Variants in RALYL observed in about 807,000 individuals in gnomAD.
RALYL encodes RNA-binding Raly-like protein.
A neutral mutation model predicts 35.1 loss-of-function variants in RALYL; 29 were observed. The observed-to-expected ratio is 0.83, with a 90% confidence interval of 0.61 to 1.13. RALYL has a LOEUF of 1.13. RALYL is among the 50% of genes most tolerant of loss of function. The probability of loss-of-function intolerance (pLI) is 0.00; values close to 1 mark genes in which losing one functional copy is unlikely to be tolerated. For synonymous variants in RALYL, 120 were observed against 127.6 expected (o/e 0.94, Z 0.40); for missense variants, 359 against 360.4 (o/e 1.00, Z 0.03).
At chr8:84,887,088 ATGT>A (rs1011566195) in intron 7 of RALYL, among the ~76,000 whole-genome samples, 1 of 151,074 alleles carries the variant, frequency 6.6e-6, no homozygotes, top group African/African-American at 2.5e-5. Context: ...TCACACAGAC[ATGT>A]TGTCTGAAAA....
chr8:84,612,127 T>A (rs2073068543), intron 2 of RALYL, among the ~76,000 whole-genome samples: 1 of 152,052 alleles, frequency 6.6e-6, no homozygotes, highest in Admixed American at 6.6e-5. Context: ...GTTTGCTATG[T>A]AGAAGATTTA....
At chr8:84,764,001 C>G (rs974339265) in intron 2 of RALYL, among the ~76,000 whole-genome samples, 1 of 139,208 alleles carries the variant, frequency 7.2e-6, no homozygotes, top group Non-Finnish European at 1.6e-5. Flanking sequence ...AACAAACAAA[C>G]AAAAGAACAG....
intron 1 of RALYL, among the ~76,000 whole-genome samples, chr8:84,463,971 A>G (rs2051161596): frequency 1.3e-5 from 2 of 151,992 alleles, no homozygotes; most frequent in African/African-American, 2.4e-5. Flanking sequence ...TGTCATATCA[A>G]TGGAATCATT....
chr8:84,721,776 G>T (rs1422865171), intron 2 of RALYL, among the ~76,000 whole-genome samples: 2 of 152,098 alleles, frequency 1.3e-5, no homozygotes, highest in African/African-American at 4.8e-5. Context: ...AAGACTTCAT[G>T]TCATATAATA....
At chr8:84,790,349 G>GGAGCCCTGAGGAACAATGGAGACTTGCA (rs1303914113) in intron 3 of RALYL, among the ~76,000 whole-genome samples, 3 of 152,228 alleles carry the variant, frequency 2.0e-5, no homozygotes, top group Admixed American at 6.5e-5. Flanking sequence ...GAGGGTCTAT[G>GGAGCCCTGAGGAACAATGGAGACTTGCA]TAGGAACAAT....
chr8:84,341,249 A>G (rs1169663016), intron 1 of RALYL, among the ~76,000 whole-genome samples: 1 of 150,482 alleles, frequency 6.6e-6, no homozygotes, highest in Non-Finnish European at 1.5e-5. Context: ...CCAATGAGAG[A>G]CTAAATATTA....
intron 2 of RALYL, among the ~76,000 whole-genome samples, chr8:84,747,435 T>G (rs1808870862): frequency 6.6e-6 from 1 of 151,930 alleles, no homozygotes; most frequent in Non-Finnish European, 1.5e-5. Flanking sequence ...AAATTAATTT[T>G]AAGAGATTGA....
At chr8:84,749,843 T>G (rs1809529239) in intron 2 of RALYL, among the ~76,000 whole-genome samples, 2 of 152,142 alleles carry the variant, frequency 1.3e-5, no homozygotes. Context: ...AGTCCAACAT[T>G]CATTGTAAGT....
At chr8:84,631,191 T>C (rs1255407165) in intron 2 of RALYL, among the ~76,000 whole-genome samples, 2 of 152,050 alleles carry the variant, frequency 1.3e-5, no homozygotes, top group East Asian at 3.9e-4. Context: ...TTTGCCTATC[T>C]TAGCAAAGTC....
Position 84,645,039 on chromosome 8 carries a change from T to G in RALYL, c.256+115462T>G, listed in dbSNP as rs193024927. On this transcript the variant is annotated intron_variant, in intron 2 of 8. Coordinates refer to ENST00000521268, the MANE Select transcript of RALYL (RefSeq NM_173848.7). ...TGCTAGGATTACAGGCATAAGCCACTGCACCTGGCCAAGTTTTTCCTTTGT... is the reference window on the plus strand; with the variant it reads ...TGCTAGGATTACAGGCATAAGCCACGGCACCTGGCCAAGTTTTTCCTTTGT... Among the ~76,000 whole-genome samples the G allele has an allele frequency of 1.7e-4, 26 of 152,094 alleles. No homozygotes were observed. The East Asian group carries it at 4.9e-3, about 29-fold the overall frequency.
At chr8:84,660,624 AT>A (rs535758183) in intron 2 of RALYL, among the ~76,000 whole-genome samples, 2,332 of 151,188 alleles carry the variant, frequency 0.015, 64 homozygotes, top group African/African-American at 0.05. Flanking sequence ...ATATTCTTCA[AT>A]TTTTTTTGCT....
chr8:84,701,835 G>A (rs118118462), intron 2 of RALYL, among the ~76,000 whole-genome samples: 305 of 152,270 alleles, frequency 2.0e-3, no homozygotes, highest in Non-Finnish European at 2.9e-3. Flanking sequence ...ACTAGTTGTT[G>A]TGGAAACATG....
chr8:84,903,385 G>C (rs969029609), intron 8 of RALYL, among the ~76,000 whole-genome samples: 2 of 152,086 alleles, frequency 1.3e-5, no homozygotes, highest in Non-Finnish European at 2.9e-5. Context: ...ACAAATTCTA[G>C]ATCTTTGTAT....
intron 2 of RALYL, among the ~76,000 whole-genome samples, chr8:84,577,387 C>G (rs140424097): frequency 1.3e-5 from 2 of 152,156 alleles, no homozygotes; most frequent in South Asian, 2.1e-4. Context: ...GAGTGACAGA[C>G]GAATGGTGGG....
chr8:84,298,459 C>CT (rs1317912893), intron 1 of RALYL, among the ~76,000 whole-genome samples: 2 of 152,022 alleles, frequency 1.3e-5, no homozygotes, highest in East Asian at 1.9e-4. Context: ...TTACTGTAGC[C>CT]TTGGAGTATA....
intron 1 of RALYL, among the ~76,000 whole-genome samples, chr8:84,434,332 A>G (rs146326518): frequency 2.0e-5 from 3 of 152,262 alleles, no homozygotes; most frequent in Non-Finnish European, 2.9e-5. Context: ...TAGGACTTTA[A>G]CATATGAATT....
intron 1 of RALYL, among the ~76,000 whole-genome samples, chr8:84,275,657 A>G (rs1295039803): frequency 3.3e-5 from 5 of 152,078 alleles, no homozygotes; most frequent in Non-Finnish European, 7.4e-5. Flanking sequence ...TCGAAATTCA[A>G]TATTCTTTGA....
chr8:84,830,431 A>G (rs77273003), intron 4 of RALYL, among the ~76,000 whole-genome samples: 3,707 of 152,274 alleles, frequency 0.024, 151 homozygotes, highest in African/African-American at 0.084. Flanking sequence ...GAAGTCCCCA[A>G]GGTGGCTGGT....
chr8:84,795,102 C>T (rs1563620856), intron 3 of RALYL, among the ~76,000 whole-genome samples: 1 of 152,080 alleles, frequency 6.6e-6, no homozygotes, highest in East Asian at 1.9e-4. Context: ...GCATGAAAGC[C>T]TTTGAAAAAG....
Sources: allele counts gnomAD v4.1 joint callset (sites outside exome capture counted in the v4.1 genomes callset), GRCh38; gene constraint gnomAD v4.1.1; transcripts MANE v1.5; gene names NCBI Gene and HGNC (gene_info 2026-07-23, HGNC 2026-07-21).